The following ETV1 variants were observed in gnomAD, a reference collection of about 807,000 sequenced individuals.
ETV1 encodes ETS translocation variant 1.
A neutral mutation model predicts 62.3 loss-of-function variants in ETV1; 27 were observed. The ratio of observed to expected loss-of-function variants is 0.43; its 90% CI spans 0.32 to 0.60. The LOEUF (loss-of-function observed/expected upper bound fraction) is 0.60, where lower values mean the gene tolerates loss of function less well. Among genes scored for constraint, ETV1 ranks in the 20% least tolerant of loss-of-function variants. ETV1 has a pLI of 0.06. For missense variants in ETV1, 605 were observed against 605.8 expected, an observed-to-expected ratio of 1.00 and a Z score of 0.01; for synonymous variants, 222 against 199.6, an observed-to-expected ratio of 1.11 and a Z score of -0.94.
chr7:13,943,260 A>T (rs1787773700), intron 6 of ETV1, among the ~76,000 whole-genome samples: 1 of 152,240 alleles, frequency 6.6e-6, no homozygotes, highest in Non-Finnish European at 1.5e-5. Context: ...TAAAATCTTT[A>T]TTCTTCAGAA....
rs994003739 is a variant in ETV1 at position 13,906,611 on chromosome 7, C to T, written c.941-12G>A. 2.5e-6 allele frequency: 4 copies of T among 1,575,984 alleles called. No homozygotes were observed. The highest frequency in any genetic ancestry group is 3.8e-5 in the Admixed American group (2 of 52,948). On this transcript the variant is annotated splice_polypyrimidine_tract_variant and intron_variant, in intron 11 of 13. Transcript: ENST00000430479. ...TTGTTTGATGTCTCCTAAATTAAAACATTTTTAAGTTTCTATTATTAGCAA... is the reference window on the plus strand; with the variant it reads ...TTGTTTGATGTCTCCTAAATTAAAATATTTTTAAGTTTCTATTATTAGCAA...
At chr7:13,918,540 C>G (rs111880504) in intron 9 of ETV1, among the ~76,000 whole-genome samples, 10,352 of 151,514 alleles carry the variant, frequency 0.068, 450 homozygotes, top group Non-Finnish European at 0.1. Flanking sequence ...TCATGGAATA[C>G]TATGCAGCCA....
At chr7:13,976,270 A>T (rs1781441768) in intron 6 of ETV1, among the ~76,000 whole-genome samples, 1 of 152,216 alleles carries the variant, frequency 6.6e-6, no homozygotes, top group African/African-American at 2.4e-5. Flanking sequence ...GATACAAAAA[A>T]GTTCTGAAGT....
intron 8 of ETV1, among the ~76,000 whole-genome samples, 167 bp downstream of exon 8, chr7:13,935,541 C>T (rs958323074): frequency 1.3e-5 from 2 of 152,136 alleles, no homozygotes; most frequent in African/African-American, 4.8e-5. Flanking sequence ...ACTTTCTCCA[C>T]AAATTATAAG....
chr7:13,908,877 G>A (rs1311701779), intron 11 of ETV1, among the ~76,000 whole-genome samples: 2 of 151,822 alleles, frequency 1.3e-5, no homozygotes, highest in East Asian at 1.9e-4. Context: ...CCTGTCAAAC[G>A]ATCAAAGCAG....
intron 9 of ETV1, among the ~76,000 whole-genome samples, chr7:13,915,816 A>G (rs955804108): frequency 1.3e-5 from 2 of 152,142 alleles, no homozygotes; most frequent in Non-Finnish European, 2.9e-5. Flanking sequence ...TCTAAAAGTA[A>G]TTATCTTCCA....
At chr7:13,919,880 G>GAC (rs140955718) in intron 9 of ETV1, among the ~76,000 whole-genome samples, 8,136 of 149,754 alleles carry the variant, frequency 0.054, 239 homozygotes, top group Middle Eastern at 0.12. Flanking sequence ...AACACACAAA[G>GAC]ACACACACAC....
At chr7:13,982,732 A>G (rs1782119729) in intron 5 of ETV1, among the ~76,000 whole-genome samples, 1 of 152,086 alleles carries the variant, frequency 6.6e-6, no homozygotes, top group Non-Finnish European at 1.5e-5. Context: ...ACCACATAAA[A>G]TAATGTCGTT....
At chr7:13,980,695 G>A (rs77875631) in intron 5 of ETV1, among the ~76,000 whole-genome samples, 10 of 152,088 alleles carry the variant, frequency 6.6e-5, no homozygotes, top group African/African-American at 2.4e-4. Flanking sequence ...TAGACCAGTT[G>A]CCATCAAGTC....
chr7:13,939,299 G>A (rs905948104), intron 6 of ETV1, 53 bp from the exon 7 acceptor site: 2 of 1,492,458 alleles, frequency 1.3e-6, no homozygotes, highest in African/African-American at 2.8e-5. Flanking sequence ...AGGAATTATG[G>A]AGATTAATGT....
At chr7:13,963,218 T>C (rs926009837) in intron 6 of ETV1, among the ~76,000 whole-genome samples, 4 of 152,244 alleles carry the variant, frequency 2.6e-5, no homozygotes, top group Admixed American at 2.0e-4. Flanking sequence ...GCTAGTATTG[T>C]ATTCATCTTT....
intron 12 of ETV1, among the ~76,000 whole-genome samples, chr7:13,903,802 C>T (rs1782685854): frequency 6.6e-6 from 1 of 151,568 alleles, no homozygotes; most frequent in African/African-American, 2.4e-5. Context: ...TGGAACAATT[C>T]CCTAGGAGAC....
chr7:13,989,138 A>G lies in ETV1; in HGVS notation c.-86T>C, dbSNP rs1448172192. 6.9e-6 allele frequency: 8 copies of G among 1,160,636 alleles called. No homozygotes were observed. Among genetic ancestry groups the G allele is most frequent in the Non-Finnish European group, 9.9e-6 (8 of 805,602 alleles). 71.9% of individuals were successfully genotyped at this position (1,160,636 alleles called of 1,614,324 possible). A position where few individuals can be genotyped will look rare whatever the true frequency, so the allele number is the denominator to read the frequency against. ...TTCCTCAGGATCTGGACTTCTATCA[A>G]CCTAGAGGGGAACAAGATGGCTTTT... On this transcript the variant is annotated splice_region_variant and 5_prime_UTR_variant, in exon 3 of 14. Coordinates refer to ENST00000430479, the MANE Select transcript of ETV1 (RefSeq NM_004956.5).
At chr7:13,926,339 G>A (rs907957202) in intron 9 of ETV1, among the ~76,000 whole-genome samples, 1 of 152,018 alleles carries the variant, frequency 6.6e-6, no homozygotes. Flanking sequence ...ATATCAAAAA[G>A]TAAAATAAAA....
intron 9 of ETV1, among the ~76,000 whole-genome samples, chr7:13,921,697 C>T (rs1227277907): frequency 2.0e-5 from 3 of 152,124 alleles, no homozygotes; most frequent in Non-Finnish European, 4.4e-5. Flanking sequence ...TTTCTAATAT[C>T]TGATTAATAC....
At chr7:13,969,335 C>A (rs1202869676) in intron 6 of ETV1, among the ~76,000 whole-genome samples, 1 of 151,926 alleles carries the variant, frequency 6.6e-6, no homozygotes, top group African/African-American at 2.4e-5. Flanking sequence ...TTTTATATAG[C>A]CTTCGCTTTT....
intron 8 of ETV1, 60 bp downstream of exon 8, chr7:13,935,648 T>C: frequency 4.2e-6 from 6 of 1,445,080 alleles, no homozygotes; most frequent in Non-Finnish European, 5.8e-6. Flanking sequence ...GAATTGTTAA[T>C]AGAAATTTTT....
chr7:13,947,392 C>CAA (rs11352949), intron 6 of ETV1, among the ~76,000 whole-genome samples: 1,136 of 86,442 alleles, frequency 0.013, 8 homozygotes, highest in Middle Eastern at 0.035. Context: ...ACTAACTATA[C>CAA]AAAAAAAAAA....
intron 6 of ETV1, among the ~76,000 whole-genome samples, chr7:13,963,522 C>G (rs61061043): frequency 7.2e-6 from 1 of 139,090 alleles, no homozygotes; most frequent in South Asian, 2.4e-4. Flanking sequence ...ATTTTAATAC[C>G]AATCTTGGCA....
Sources: allele counts gnomAD v4.1 joint callset (sites outside exome capture counted in the v4.1 genomes callset), GRCh38; gene constraint gnomAD v4.1.1; transcripts MANE v1.5; gene names NCBI Gene and HGNC (gene_info 2026-07-23, HGNC 2026-07-21).